ZNF395: variants seen among roughly 807,000 people sequenced by gnomAD.
ZNF395 encodes HD gene regulatory region-binding protein 2.
A neutral mutation model predicts 57.7 loss-of-function variants in ZNF395; 20 were observed. That is an observed-to-expected ratio of 0.35 (90% CI 0.24 to 0.50). ZNF395 has a LOEUF of 0.50. Among genes scored for constraint, ZNF395 ranks in the 20% least tolerant of loss-of-function variants. The probability of loss-of-function intolerance (pLI) is 0.97; values close to 1 mark genes in which losing one functional copy is unlikely to be tolerated. For missense variants in ZNF395, 606 were observed against 671.2 expected, an observed-to-expected ratio of 0.90 and a Z score of 1.07; for synonymous variants, 295 against 275.9, an observed-to-expected ratio of 1.07 and a Z score of -0.69.
At chr8:28,384,096 A>T (rs1585868304) in intron 1 of ZNF395, among the ~76,000 whole-genome samples, 1 of 152,066 alleles carries the variant, frequency 6.6e-6, no homozygotes, top group Non-Finnish European at 1.5e-5. Context: ...AACTCTGGCC[A>T]CCCTGCAACT....
At chr8:28,377,776 G>A (rs769167611) in intron 1 of ZNF395, among the ~76,000 whole-genome samples, 80 of 116,806 alleles carry the variant, frequency 6.8e-4, no homozygotes, top group Non-Finnish European at 1.2e-3. Context: ...TTTTTTTTGA[G>A]AGATGGAGTC....
chr8:28,386,212 A>T (rs1185955579), intron 1 of ZNF395, 181 bp downstream of exon 1: 1 of 148,488 alleles, frequency 6.7e-6, no homozygotes, highest in Non-Finnish European at 1.5e-5. Context: ...CACTGCGCTC[A>T]CGTACGCGGC....
intron 1 of ZNF395, among the ~76,000 whole-genome samples, chr8:28,365,739 A>T (rs908366255): frequency 2.6e-5 from 4 of 152,228 alleles, no homozygotes; most frequent in African/African-American, 9.6e-5. Flanking sequence ...AACATCTTTC[A>T]GTCCATGTCC....
intron 1 of ZNF395, among the ~76,000 whole-genome samples, chr8:28,376,356 C>T (rs566242998): frequency 3.3e-5 from 5 of 152,094 alleles, no homozygotes; most frequent in Admixed American, 6.5e-5. Flanking sequence ...GCCGGGCTCA[C>T]GCCTGTTAAT....
chr8:28,348,371 C>T lies in ZNF395; in HGVS notation c.*348G>A, dbSNP rs1398434126. 9.1e-6 allele frequency: 2 copies of T among 219,940 alleles called. No individual in the cohort carries two copies. Among genetic ancestry groups the T allele is most frequent in the South Asian group, 5.2e-5 (1 of 19,356 alleles). The allele number at this position is 219,940 out of a possible 1,614,324, so 13.6% of individuals were successfully genotyped here. A position where few individuals can be genotyped will look rare whatever the true frequency, so the allele number is the denominator to read the frequency against. On this transcript the variant is annotated 3_prime_UTR_variant, in exon 10 of 10. Transcript: ENST00000344423. Reference sequence around the variant, plus strand: ...TTCACCGACTCAGCAGGAAGCAGAACGAGCTGTTCCTTCTTTTGACACGCA... The same window carrying T: ...TTCACCGACTCAGCAGGAAGCAGAATGAGCTGTTCCTTCTTTTGACACGCA...
intron 1 of ZNF395, among the ~76,000 whole-genome samples, chr8:28,382,067 G>A (rs1003848089): frequency 6.6e-6 from 1 of 152,060 alleles, no homozygotes; most frequent in Non-Finnish European, 1.5e-5. Context: ...CCCAGCATTC[G>A]AGTCTCTTGA....
In ZNF395 at chr8:28,351,644, G is replaced by A; in HGVS notation, c.1084C>T (p.Leu362=). ...EPAPTPSMTG[L]PLSALPPPLH... is the part of the protein sequence containing the mutation. ...GGTGGTGGAAGAGCAGACAGAGGCAGGCCAGTCATGCTGGGGGTGGGAGCT... is the reference window on the plus strand; with the variant it reads ...GGTGGTGGAAGAGCAGACAGAGGCAAGCCAGTCATGCTGGGGGTGGGAGCT... The change falls in exon 7 of 10, where the codon CTG becomes TTG. Residue 362 remains leucine, a synonymous_variant. Transcript: ENST00000344423. The A allele has an allele frequency of 6.2e-7, 1 of 1,613,466 alleles. No individual in the cohort carries two copies. The highest frequency in any genetic ancestry group is 2.2e-5 in the East Asian group (1 of 44,878).
chr8:28,358,023 A>C (rs1801801594), intron 3 of ZNF395, among the ~76,000 whole-genome samples: 1 of 152,236 alleles, frequency 6.6e-6, no homozygotes, highest in Non-Finnish European at 1.5e-5. Context: ...TGAATATCTA[A>C]GCCAGGGGTA....
At chr8:28,380,564 A>G (rs1362696498) in intron 1 of ZNF395, among the ~76,000 whole-genome samples, 1 of 152,190 alleles carries the variant, frequency 6.6e-6, no homozygotes, top group Non-Finnish European at 1.5e-5. Context: ...CCAATAATTA[A>G]CAGTTTCACA....
intron 1 of ZNF395, among the ~76,000 whole-genome samples, chr8:28,374,861 T>C (rs1226100308): frequency 6.6e-6 from 1 of 152,180 alleles, no homozygotes; most frequent in African/African-American, 2.4e-5. Context: ...ACTTCCTCCA[T>C]ACCAGGCCTA....
chr8:28,364,638 A>T (rs1414993713), intron 1 of ZNF395, among the ~76,000 whole-genome samples: 2 of 141,060 alleles, frequency 1.4e-5, no homozygotes, highest in Admixed American at 1.5e-4. Flanking sequence ...TGGGGGATAG[A>T]GTGAGACTCC....
intron 1 of ZNF395, among the ~76,000 whole-genome samples, chr8:28,361,486 A>G (rs572634153): frequency 1.2e-4 from 18 of 152,190 alleles, no homozygotes; most frequent in East Asian, 1.9e-4. Context: ...AAGTTTTACT[A>G]TATCATTCAA....
At chr8:28,351,848 C>T (rs1801717495) in intron 6 of ZNF395, 41 bp from the exon 7 acceptor site, 5 of 1,510,132 alleles carry the variant, frequency 3.3e-6, no homozygotes, top group Non-Finnish European at 4.4e-6. Flanking sequence ...GGGCACCCTG[C>T]CCCCTTCAAA....
At position 28,359,629 on chromosome 8, in the gene ZNF395, A is replaced by G; in HGVS notation, c.436T>C (p.Tyr146His). ...PLEPGAQALA[Y>H]RPVSRNIDVP... ...TCGATGTTCCTGGAGACGGGCCTGT[A>G]GGCCAGGGCCTGGGCTCCGGGCTCC... is the stretch of plus-strand genomic sequence containing the variant. Residue 146 changes from tyrosine (Y) to histidine (H), a missense_variant, in exon 3 of 10, where the codon TAC becomes CAC. This residue lies in a region of ZNF395 where 309 missense variants were observed against 374.7 expected (regional missense o/e 0.82). Transcript: ENST00000344423. The surrounding 1 kb of genome is among the most constrained non-coding windows in gnomAD (Gnocchi z 4.7). 6.2e-7 allele frequency: 1 copy of G among 1,610,448 alleles called. No homozygotes were observed. The highest frequency in any genetic ancestry group is 8.5e-7 in the Non-Finnish European group (1 of 1,177,556).
In ZNF395 at chr8:28,361,136, T is replaced by A. The variant is rs552906719; in HGVS notation, c.-12A>T. 1 of 1,611,048 alleles carries A rather than the reference T, an allele frequency of 6.2e-7. No individual in the cohort carries two copies. Among genetic ancestry groups the A allele is most frequent in the East Asian group, 2.2e-5 (1 of 44,886 alleles). ...AGGACACTCGCCATGCTGCTGCCTC[T>A]CCTCTCCTGCGGAGGCGAAGGGGAC... On this transcript the variant is annotated 5_prime_UTR_variant, in exon 2 of 10. Transcript: ENST00000344423.
chr8:28,350,073 A>C lies in ZNF395; in HGVS notation c.1317T>G (p.Ser439=), dbSNP rs1048667552. 1.9e-6 allele frequency: 3 copies of C among 1,601,396 alleles called. No individual in the cohort carries two copies. Among genetic ancestry groups the C allele is most frequent in the Middle Eastern group, 3.3e-4 (2 of 6,022 alleles). Residue 439 remains serine (S), a synonymous_variant, in exon 8 of 10, where the codon TCT becomes TCG. Transcript: ENST00000344423. ...SWAAAPSAAC[S]LSPVRSRSLS... is the part of the protein sequence containing the mutation. ...CTGCCCGCACACTCACCGGAGAGAGAGAGCAGGCGGCGGAGGGGGCAGCAG... is the reference window on the plus strand; with the variant it reads ...CTGCCCGCACACTCACCGGAGAGAGCGAGCAGGCGGCGGAGGGGGCAGCAG...
At chr8:28,365,593 T>G (rs1801901025) in intron 1 of ZNF395, 2 of 152,204 alleles carry the variant, frequency 1.3e-5, no homozygotes, top group Non-Finnish European at 2.9e-5. Flanking sequence ...TTTTACATTC[T>G]CCTCTTATGG....
At chr8:28,362,852 A>G (rs1801866673) in intron 1 of ZNF395, among the ~76,000 whole-genome samples, 1 of 152,256 alleles carries the variant, frequency 6.6e-6, no homozygotes, top group Admixed American at 6.5e-5. Context: ...GGTTTTCATG[A>G]GCATTTTATG....
intron 1 of ZNF395, among the ~76,000 whole-genome samples, chr8:28,364,640 T>G (rs984090728): frequency 5.8e-5 from 7 of 120,900 alleles, no homozygotes; most frequent in East Asian, 2.3e-4. Flanking sequence ...GGGGATAGAG[T>G]GAGACTCCGT....
Sources: gnomAD v4.1 joint callset for allele counts (sites outside exome capture counted in the v4.1 genomes callset) on GRCh38, gnomAD v4.1.1 for gene constraint, gnomAD v4.1.1 regional missense constraint, Gnocchi (gnomAD v3.1) non-coding constraint, MANE v1.5 for transcripts, NCBI Gene and HGNC (gene_info 2026-07-23, HGNC 2026-07-21) for gene names.